SYNE2: variants seen among roughly 807,000 people sequenced by gnomAD.
SYNE2 encodes the protein spectrin repeat containing nuclear envelope protein 2.
A neutral mutation model predicts 856.3 loss-of-function variants in SYNE2; 431 were observed. The ratio of observed to expected loss-of-function variants is 0.50; its 90% CI spans 0.47 to 0.55. The LOEUF (loss-of-function observed/expected upper bound fraction) is 0.55, where lower values mean the gene tolerates loss of function less well. Among genes scored for constraint, SYNE2 ranks in the 20% least tolerant of loss-of-function variants. SYNE2 has a pLI of 0.00. For missense variants in SYNE2, 8,129 were observed against 8,023.2 expected (o/e 1.01, Z -0.50); for synonymous variants, 2,923 against 2,872.3 (o/e 1.02, Z -0.56).
At chr14:64,089,415 CATT>C (rs1242018926) in intron 58 of SYNE2, among the ~76,000 whole-genome samples, 156 bp from the exon 59 acceptor site, 1 of 101,306 alleles carries the variant, frequency 9.9e-6, no homozygotes, top group African/African-American at 3.8e-5. Context: ...AAATGGTGAA[CATT>C]ATTTATTTAT....
chr14:64,181,255 G>A (rs1303833778), intron 96 of SYNE2, among the ~76,000 whole-genome samples: 1 of 152,190 alleles, frequency 6.6e-6, no homozygotes, highest in African/African-American at 2.4e-5. Context: ...GTGTCAGTCA[G>A]TGGCTTTATT....
At chr14:63,976,235 G>A (rs1037411691) in intron 11 of SYNE2, among the ~76,000 whole-genome samples, 9 of 152,342 alleles carry the variant, frequency 5.9e-5, no homozygotes, top group African/African-American at 1.9e-4. Flanking sequence ...TGGTCATTCA[G>A]TAGGTTAGTC....
chr14:64,111,088 G>A (rs1360457837), intron 65 of SYNE2, among the ~76,000 whole-genome samples: 1 of 151,936 alleles, frequency 6.6e-6, no homozygotes, highest in African/African-American at 2.4e-5. Flanking sequence ...GTGGAGGGCT[G>A]GGTGTGGTGG....
chr14:63,922,458 C>T (rs1318243195), intron 2 of SYNE2, among the ~76,000 whole-genome samples: 1 of 152,166 alleles, frequency 6.6e-6, no homozygotes, highest in African/African-American at 2.4e-5. Context: ...ATTCCCGGGC[C>T]TGACTTGCTT....
Position 64,161,557 on chromosome 14 carries a change from A to G in SYNE2, c.16095-515A>G, listed in dbSNP as rs369631855. ...TTCATGTGGAGTCATTTTATCAGGCATACAGTTCAGTGTTTTCTCCATCTT... is the reference window on the plus strand; with the variant it reads ...TTCATGTGGAGTCATTTTATCAGGCGTACAGTTCAGTGTTTTCTCCATCTT... On this transcript the variant is annotated intron_variant, in intron 87 of 115. Coordinates refer to ENST00000555002, the MANE Select transcript of SYNE2 (RefSeq NM_182914.3). Among the ~76,000 whole-genome samples the G allele has an allele frequency of 2.0e-4, 31 of 152,190 alleles. No individual in the cohort carries two copies. In the South Asian group the frequency reaches 6.0e-3, roughly 30 times the overall value.
intron 1 of SYNE2, among the ~76,000 whole-genome samples, chr14:63,762,856 A>G (rs1425635887): frequency 6.6e-6 from 1 of 152,200 alleles, no homozygotes; most frequent in Non-Finnish European, 1.5e-5. Context: ...AAATTTGTAG[A>G]ATGCTAACAA....
chr14:64,186,680 G>A (rs2098492884), intron 97 of SYNE2, 101 bp downstream of exon 97: 1 of 1,529,542 alleles, frequency 6.5e-7, no homozygotes, highest in Admixed American at 1.7e-5. Flanking sequence ...TGAACCGGAG[G>A]CCCTTTTCAG....
intron 92 of SYNE2, among the ~76,000 whole-genome samples, chr14:64,168,262 C>G (rs2098392512): frequency 6.6e-6 from 1 of 152,150 alleles, no homozygotes; most frequent in African/African-American, 2.4e-5. Flanking sequence ...TGCCACTGCA[C>G]CTGGCTAATT....
intron 1 of SYNE2, among the ~76,000 whole-genome samples, chr14:63,880,699 G>T (rs141043853): frequency 0.046 from 6,567 of 142,436 alleles, 187 homozygotes; most frequent in Non-Finnish European, 0.06. Context: ...TTAAGACAGG[G>T]TCTCACTCTG....
At chr14:64,116,248 G>A (rs1247752669) in intron 66 of SYNE2, among the ~76,000 whole-genome samples, 1 of 151,956 alleles carries the variant, frequency 6.6e-6, no homozygotes, top group African/African-American at 2.4e-5. Flanking sequence ...TTTGAGAATT[G>A]TTTAATTTTG....
At chr14:63,936,120 A>G (rs1335289152) in intron 2 of SYNE2, among the ~76,000 whole-genome samples, 1 of 152,136 alleles carries the variant, frequency 6.6e-6, no homozygotes, top group African/African-American at 2.4e-5. Context: ...TGATCCGCCC[A>G]CCTTGGCCTC....
chr14:63,813,561 CA>C (rs1377212861), intron 1 of SYNE2, among the ~76,000 whole-genome samples: 2 of 152,024 alleles, frequency 1.3e-5, no homozygotes, highest in African/African-American at 2.4e-5. Flanking sequence ...TTGGGAGGCC[CA>C]GGGGGGTGGA....
rs2096582442 is a variant in SYNE2, at chr14:63,981,166, T to A, written c.1829T>A (p.Ile610Asn). The change falls in exon 16 of 116, where the codon ATT becomes AAT. Residue 610 changes from isoleucine to asparagine, a missense_variant. Around this residue, in one of 3 missense-constraint regions of SYNE2, gnomAD observed 2,422 missense variants for 2,357.4 expected, o/e 1.03. Coordinates refer to ENST00000555002, the MANE Select transcript of SYNE2 (RefSeq NM_182914.3). Reference sequence around the variant, plus strand: ...TTTGAGGAGACAAAGAAGGAAGAAATTAAAGAGGTATTTGCAGTCTAATAG... The same window carrying A: ...TTTGAGGAGACAAAGAAGGAAGAAAATAAAGAGGTATTTGCAGTCTAATAG... The part of the protein sequence containing the change: ...ACFEETKKEE[I>N]KEVPFETLAQ... 1 of 1,613,118 alleles carries A rather than the reference T, an allele frequency of 6.2e-7. No homozygotes were observed. The highest frequency in any genetic ancestry group is 8.5e-7 in the Non-Finnish European group (1 of 1,179,276).
intron 33 of SYNE2, 146 bp from the exon 34 acceptor site, chr14:64,017,449 G>A: frequency 1.6e-6 from 1 of 622,664 alleles, no homozygotes; most frequent in Non-Finnish European, 2.8e-6. Flanking sequence ...TACATGATAT[G>A]TTAAAGCAAA....
intron 45 of SYNE2, among the ~76,000 whole-genome samples, chr14:64,043,876 T>A (rs180810361): frequency 3.3e-5 from 5 of 152,354 alleles, no homozygotes; most frequent in African/African-American, 7.2e-5. Context: ...GGGCACCACC[T>A]AGTGGAGTGG....
intron 99 of SYNE2, among the ~76,000 whole-genome samples, chr14:64,192,317 G>C (rs1377325159): frequency 1.3e-5 from 2 of 151,926 alleles, no homozygotes; most frequent in Non-Finnish European, 1.5e-5. Flanking sequence ...ACTAGTCGAG[G>C]GTATGATGGC....
intron 12 of SYNE2, 64 bp from the exon 13 acceptor site, chr14:63,977,841 A>T (rs2096556315): frequency 8.7e-7 from 1 of 1,144,872 alleles, no homozygotes; most frequent in East Asian, 2.4e-5. Flanking sequence ...AGTGAGATTG[A>T]CAAACCCTTA....
rs956071557 is a variant in SYNE2 at position 63,894,516 on chromosome 14, C to T, written c.-51-14582C>T. On this transcript the variant is annotated intron_variant, in intron 1 of 115. Coordinates refer to ENST00000555002, the MANE Select transcript of SYNE2 (RefSeq NM_182914.3). ...GATTGCAGGTGTGAGCCACTGCATC[C>T]GGCCATTATAAAATAACATGTGTTT... 3.3e-5 allele frequency among the ~76,000 whole-genome samples: 5 copies of T among 152,114 alleles called. No homozygotes were observed. In the South Asian group the frequency reaches 6.2e-4, roughly 19 times the overall value.
intron 1 of SYNE2, among the ~76,000 whole-genome samples, chr14:63,880,540 T>C (rs765229863): frequency 7.2e-5 from 11 of 152,182 alleles, no homozygotes; most frequent in Non-Finnish European, 1.3e-4. Flanking sequence ...TTTTTATTTT[T>C]ATTTTTGTAC....
Sources: gnomAD v4.1 joint callset for allele counts (sites outside exome capture counted in the v4.1 genomes callset) on GRCh38, gnomAD v4.1.1 for gene constraint, gnomAD v4.1.1 regional missense constraint, MANE v1.5 for transcripts, NCBI Gene and HGNC (gene_info 2026-07-23, HGNC 2026-07-21) for gene names.